The following STKLD1 variants were observed in gnomAD, a reference collection of about 807,000 sequenced individuals.
STKLD1 encodes serine/threonine kinase-like domain-containing protein STKLD1.
Under a neutral mutation model 80.4 loss-of-function variants are expected in STKLD1, and 79 were observed. The ratio of observed to expected loss-of-function variants is 0.98; its 90% CI spans 0.82 to 1.19. The LOEUF (loss-of-function observed/expected upper bound fraction) is 1.19, where lower values mean the gene tolerates loss of function less well. Ranked by LOEUF, STKLD1 falls within the 50% of genes most tolerant of loss-of-function variation. STKLD1 has a pLI of 0.00. For synonymous variants in STKLD1, 393 were observed against 357.6 expected (o/e 1.10, Z -1.12); for missense variants, 841 against 856.0 (o/e 0.98, Z 0.22).
At chr9:133,402,028 T>G in intron 13 of STKLD1, 150 bp downstream of exon 13, 1 of 955,602 alleles carries the variant, frequency 1.0e-6, no homozygotes, top group Non-Finnish European at 1.5e-6. Context: ...GCCGTCTTCA[T>G]TTGGCCACCC....
In STKLD1 at chr9:133,389,441, A is replaced by G. The variant is rs2130284049; in HGVS notation, c.397-85A>G. 50 of 1,555,044 alleles carry G rather than the reference A, an allele frequency of 3.2e-5. No homozygotes were observed. Among genetic ancestry groups the G allele is most frequent in the Non-Finnish European group, 3.7e-5 (43 of 1,150,084 alleles). ...AGATGCAAGGAGAGGATACACCACC[A>G]TCCTGCTGGCTGCTCTGAGTGTCAC... On this transcript the variant is annotated intron_variant, in intron 5 of 17. Coordinates refer to ENST00000371957, the MANE Select transcript of STKLD1 (RefSeq NM_153710.5). The surrounding 1 kb of genome is among the most constrained non-coding windows in gnomAD (Gnocchi z 6.4).
At chr9:133,404,155 A>G in intron 16 of STKLD1, 107 bp downstream of exon 16, 1 of 1,356,142 alleles carries the variant, frequency 7.4e-7, no homozygotes, top group Middle Eastern at 2.7e-4. Flanking sequence ...GAAGCAACAA[A>G]TCAAAAAGGA....
intron 7 of STKLD1, among the ~76,000 whole-genome samples, chr9:133,391,150 C>T (rs1838382936): frequency 1.3e-5 from 2 of 151,282 alleles, no homozygotes; most frequent in Non-Finnish European, 3.0e-5. Flanking sequence ...GGGGGTCAGC[C>T]CCCCGCCCGG....
At position 133,384,642 on chromosome 9, in the gene STKLD1, T is replaced by G. The variant is rs1838224306; in HGVS notation, c.219+742T>G. ...TTTTGCCCAGGCTAGTCTGAATTTCTGGGCTCAAGCAATCGTCCCACCTCG... is the reference window on the plus strand; with the variant it reads ...TTTTGCCCAGGCTAGTCTGAATTTCGGGGCTCAAGCAATCGTCCCACCTCG... On this transcript the variant is annotated intron_variant, in intron 3 of 17. Transcript: ENST00000371957. This position sits in a 1 kb window ranked among gnomAD's most constrained non-coding sequence, Gnocchi z 4.3. The G allele has an allele frequency of 6.6e-6, 1 of 151,902 alleles. No individual in the cohort carries two copies. Among genetic ancestry groups the G allele is most frequent in the African/African-American group, 2.4e-5 (1 of 41,340 alleles). 9.4% of individuals were successfully genotyped at this position (151,902 alleles called of 1,614,324 possible). A position where few individuals can be genotyped will look rare whatever the true frequency, so the allele number is the denominator to read the frequency against.
Position 133,385,854 on chromosome 9 carries a change from C to T in STKLD1, c.294+163C>T, listed in dbSNP as rs1383555506. Among the ~76,000 whole-genome samples the T allele has an allele frequency of 6.6e-6, 1 of 152,062 alleles. No homozygotes were observed. The highest frequency in any genetic ancestry group is 1.5e-5 in the Non-Finnish European group (1 of 68,016). On this transcript the variant is annotated intron_variant, in intron 4 of 17. Transcript: ENST00000371957. The surrounding 1 kb of genome is among the most constrained non-coding windows in gnomAD (Gnocchi z 4.9). ...CCCCTGACCTAACACTCACTGGGGC[C>T]AGGTACCATGCTGGGGGCTTTCGGT... is the stretch of plus-strand genomic sequence containing the variant.
At position 133,385,493 on chromosome 9, in the gene STKLD1, A is replaced by G. The variant is rs2130274585; in HGVS notation, c.220-124A>G. The G allele has an allele frequency of 7.4e-6, 7 of 946,406 alleles. No individual in the cohort carries two copies. The African/African-American group carries it at 1.1e-4, about 15-fold the overall frequency. The allele number at this position is 946,406 out of a possible 1,614,324, so 58.6% of individuals were successfully genotyped here. A position where few individuals can be genotyped will look rare whatever the true frequency, so the allele number is the denominator to read the frequency against. The stretch of plus-strand genomic sequence containing the variant: ...ACCACCGTGCAGCTTCCCTGAGCCC[A>G]CTCCCTGGCCCAGCTCAGAGCCCGA... On this transcript the variant is annotated intron_variant, in intron 3 of 17. Transcript: ENST00000371957. The surrounding 1 kb of genome is among the most constrained non-coding windows in gnomAD (Gnocchi z 4.9).
chr9:133,386,170 C>A (rs2130276994), intron 4 of STKLD1, among the ~76,000 whole-genome samples: 47 of 152,316 alleles, frequency 3.1e-4, no homozygotes, highest in Middle Eastern at 3.4e-3. Flanking sequence ...CCGCCCGCCT[C>A]GGCCTCCCAA....
intron 9 of STKLD1, 60 bp downstream of exon 9, chr9:133,395,823 C>A: frequency 1.3e-6 from 2 of 1,550,934 alleles, no homozygotes; most frequent in Non-Finnish European, 1.8e-6. Flanking sequence ...ATCTCTCCAC[C>A]CTAATACAAG....
intron 2 of STKLD1, among the ~76,000 whole-genome samples, chr9:133,380,207 T>G (rs1838098939): frequency 6.6e-6 from 1 of 152,150 alleles, no homozygotes; most frequent in Non-Finnish European, 1.5e-5. Flanking sequence ...GGCTAATTTT[T>G]TGTATTTTAG....
intron 13 of STKLD1, among the ~76,000 whole-genome samples, chr9:133,402,387 A>G (rs1024082447): frequency 2.0e-5 from 3 of 152,214 alleles, no homozygotes; most frequent in African/African-American, 7.2e-5. Flanking sequence ...AGCAGGGTTC[A>G]GGGCTGGGGT....
At chr9:133,404,182 A>T in intron 16 of STKLD1, 134 bp downstream of exon 16, 1 of 1,160,058 alleles carries the variant, frequency 8.6e-7, no homozygotes, top group Non-Finnish European at 1.2e-6. Flanking sequence ...ATTAAAAACG[A>T]TCTGAAGTCC....
chr9:133,377,914 G>C (rs1180967933), intron 1 of STKLD1, among the ~76,000 whole-genome samples: 1 of 152,198 alleles, frequency 6.6e-6, no homozygotes, highest in Non-Finnish European at 1.5e-5. Context: ...CTCTCGGGAT[G>C]ATGGGAGACA....
chr9:133,391,232 G>T (rs1185722499), intron 7 of STKLD1, among the ~76,000 whole-genome samples: 1 of 149,798 alleles, frequency 6.7e-6, no homozygotes, highest in Admixed American at 6.6e-5. Context: ...GTCCGGGAGG[G>T]AGGTGGGGGG....
chr9:133,401,143 C>CCTTT (rs1390295887), intron 12 of STKLD1, among the ~76,000 whole-genome samples: 3,198 of 137,934 alleles, frequency 0.023, 157 homozygotes, highest in African/African-American at 0.081. Flanking sequence ...TATTTAGTTA[C>CCTTT]TTTTTTTTTT....
chr9:133,403,554 C>T, intron 14 of STKLD1, 146 bp from the exon 15 acceptor site: 7 of 1,034,788 alleles, frequency 6.8e-6, no homozygotes, highest in Non-Finnish European at 9.7e-6. Flanking sequence ...CTAACCCCTG[C>T]ACCCGTCTCT....
chr9:133,403,876 C>T, intron 15 of STKLD1, 44 bp from the exon 16 acceptor site: 1 of 1,610,778 alleles, frequency 6.2e-7, no homozygotes, highest in Non-Finnish European at 8.5e-7. Context: ...AGGGGTGGGC[C>T]TCATGGCACA....
At chr9:133,403,525 T>A (rs1838762680) in intron 14 of STKLD1, among the ~76,000 whole-genome samples, 175 bp from the exon 15 acceptor site, 1 of 152,162 alleles carries the variant, frequency 6.6e-6, no homozygotes, top group African/African-American at 2.4e-5. Flanking sequence ...AGTGTGGGAT[T>A]CTCCAAGCCT....
In STKLD1 at chr9:133,376,440, G is replaced by T. The variant is rs1348741328; in HGVS notation, c.-34G>T. 3 of 1,544,262 alleles carry T rather than the reference G, an allele frequency of 1.9e-6. No homozygotes were observed. The highest frequency in any genetic ancestry group is 1.2e-5 in the South Asian group (1 of 83,206). ...TGACCCACGCGGGGTGGGGCCAGGGGTGGACGCTCGCCCGTACGCGGTCGC... is the reference window on the plus strand; with the variant it reads ...TGACCCACGCGGGGTGGGGCCAGGGTTGGACGCTCGCCCGTACGCGGTCGC... On this transcript the variant is annotated 5_prime_UTR_variant, in exon 1 of 18. Coordinates refer to ENST00000371957, the MANE Select transcript of STKLD1 (RefSeq NM_153710.5).
rs1564386991 is a variant in STKLD1, at chr9:133,404,937, C to A, written c.1873+8C>A. The A allele has an allele frequency of 3.1e-6, 5 of 1,612,582 alleles. No homozygotes were observed. The highest frequency in any genetic ancestry group is 1.7e-5 in the Admixed American group (1 of 59,846). On this transcript the variant is annotated splice_region_variant and intron_variant, in intron 17 of 17. Transcript: ENST00000371957. ...TCCACCTGGCTTCCTATGGTGAGAACCCCTTCTCACCTCACACTCCCTAGA... is the reference window on the plus strand; with the variant it reads ...TCCACCTGGCTTCCTATGGTGAGAAACCCTTCTCACCTCACACTCCCTAGA...
Sources: allele counts gnomAD v4.1 joint callset (sites outside exome capture counted in the v4.1 genomes callset), GRCh38; gene constraint gnomAD v4.1.1; non-coding constraint Gnocchi (gnomAD v3.1); transcripts MANE v1.5; gene names NCBI Gene and HGNC (gene_info 2026-07-23, HGNC 2026-07-21).